The following TENM4 variants were observed in gnomAD, a reference collection of about 807,000 sequenced individuals.
TENM4 encodes teneurin transmembrane protein 4.
TENM4 carries 82 observed loss-of-function variants against 243.3 expected under a neutral mutation model. The observed-to-expected ratio is 0.34, with a 90% CI of 0.28 to 0.40. The LOEUF (loss-of-function observed/expected upper bound fraction) is 0.40. Among genes scored for constraint, TENM4 ranks in the 10% least tolerant of loss-of-function variants. TENM4 has a pLI of 1.00. For synonymous variants in TENM4, 1,412 were observed against 1,456.3 expected, an observed-to-expected ratio of 0.97 and a Z score of 0.69; for missense variants, 3,138 against 3,673.3, an observed-to-expected ratio of 0.85 and a Z score of 3.77.
chr11:79,235,095 T>C (rs534731784), intron 2 of TENM4, among the ~76,000 whole-genome samples: 185 of 151,840 alleles, frequency 1.2e-3, no homozygotes, highest in Non-Finnish European at 2.3e-3. Flanking sequence ...GGGTGGATCA[T>C]GAGGTCAGGA....
chr11:78,837,295 A>T (rs547751842), intron 12 of TENM4, among the ~76,000 whole-genome samples: 1 of 152,198 alleles, frequency 6.6e-6, no homozygotes, highest in African/African-American at 2.4e-5. Context: ...CTTGATTCTC[A>T]TTCTCTCTTG....
rs565477687 is a variant in TENM4, at chr11:78,903,054, T to C, written c.749+214A>G. On this transcript the variant is annotated intron_variant, in intron 7 of 33. Transcript: ENST00000278550. ...AGCAACTTGGCCAAGGTCACACCTTTGGTAATCAGCAGGCTAGCACTGGAC... is the reference window on the plus strand; with the variant it reads ...AGCAACTTGGCCAAGGTCACACCTTCGGTAATCAGCAGGCTAGCACTGGAC... 2.6e-5 allele frequency among the ~76,000 whole-genome samples: 4 copies of C among 152,194 alleles called. No homozygotes were observed. In the East Asian group the frequency reaches 7.7e-4, roughly 29 times the overall value.
chr11:79,207,390 A>G (rs1420979842), intron 3 of TENM4, among the ~76,000 whole-genome samples: 3 of 152,148 alleles, frequency 2.0e-5, no homozygotes, highest in Non-Finnish European at 4.4e-5. Flanking sequence ...ATCTTATTTG[A>G]CCCTAACAAC....
At chr11:78,858,628 A>C (rs1858737484) in intron 10 of TENM4, among the ~76,000 whole-genome samples, 1 of 152,214 alleles carries the variant, frequency 6.6e-6, no homozygotes. Context: ...AGATGCTATA[A>C]GACTTTTTGT....
rs140628797 is a variant in TENM4, at chr11:78,943,662, A to C, written c.494-40139T>G. On this transcript the variant is annotated intron_variant, in intron 6 of 33. Coordinates refer to ENST00000278550, the MANE Select transcript of TENM4 (RefSeq NM_001098816.3). The stretch of plus-strand genomic sequence containing the variant: ...AGTAGGGAAATGTACCTAGATCTTT[A>C]GTGATACTGTAGACAACCTGTTTGA... Among the ~76,000 whole-genome samples, 637 of 152,314 alleles carry C rather than the reference A, an allele frequency of 4.2e-3. 7 individuals carry two copies. Among genetic ancestry groups the C allele is most frequent in the African/African-American group, 0.015 (617 of 41,576 alleles).
Position 79,282,332 on chromosome 11 carries a change from T to C in TENM4, c.-265+15156A>G, listed in dbSNP as rs184552068. On this transcript the variant is annotated intron_variant, in intron 2 of 33. Transcript: ENST00000278550. Reference sequence around the variant, plus strand: ...AGACCCAGATGGATTTCTTTCTGTGTGACCCGATACTCCAGGGCCTGGCAC... The same window carrying C: ...AGACCCAGATGGATTTCTTTCTGTGCGACCCGATACTCCAGGGCCTGGCAC... Among the ~76,000 whole-genome samples, 7 of 152,308 alleles carry C rather than the reference T, an allele frequency of 4.6e-5. No individual in the cohort carries two copies. In the East Asian group the frequency reaches 1.4e-3, roughly 29 times the overall value.
At position 79,353,241 on chromosome 11, in the gene TENM4, A is replaced by G. The variant is rs115644916; in HGVS notation, c.-320-55698T>C. Among the ~76,000 whole-genome samples the G allele has an allele frequency of 3.0e-3, 451 of 152,178 alleles. 3 individuals are homozygous for G. The highest frequency in any genetic ancestry group is 0.01 in the African/African-American group (420 of 41,522). ...ACCAGATCGTCATTGACATTCCATG[A>G]CCTTATGTCTTAGTTGAATTGAGAT... is the stretch of plus-strand genomic sequence containing the variant. On this transcript the variant is annotated intron_variant, in intron 1 of 33. Transcript: ENST00000278550.
rs144754395 is a variant in TENM4 at position 78,810,079 on chromosome 11, T to C, written c.1978+2043A>G. On this transcript the variant is annotated intron_variant, in intron 14 of 33. Coordinates refer to ENST00000278550, the MANE Select transcript of TENM4 (RefSeq NM_001098816.3). ...GAAGGGGGAGAAAAAAAAGTGAGCT[T>C]GTTAGCTGATGTTTTATAAACACAG... Among the ~76,000 whole-genome samples, 59 of 152,286 alleles carry C rather than the reference T, an allele frequency of 3.9e-4. 1 individual carries two copies. In the East Asian group the frequency reaches 0.01, roughly 27 times the overall value.
chr11:79,163,973 A>AG (rs1862825095), intron 3 of TENM4, among the ~76,000 whole-genome samples: 1 of 133,618 alleles, frequency 7.5e-6, no homozygotes, highest in Non-Finnish European at 1.5e-5. Context: ...ATATCTATAT[A>AG]TAGTGTATAT....
At chr11:79,030,232 C>A (rs1033971313) in intron 6 of TENM4, among the ~76,000 whole-genome samples, 3 of 152,114 alleles carry the variant, frequency 2.0e-5, no homozygotes, top group African/African-American at 7.2e-5. Context: ...ATTCCTCACA[C>A]TGATGGGAGG....
At chr11:79,018,966 C>G (rs548248542) in intron 6 of TENM4, among the ~76,000 whole-genome samples, 1 of 152,136 alleles carries the variant, frequency 6.6e-6, no homozygotes, top group Non-Finnish European at 1.5e-5. Context: ...GCCTTGGCTC[C>G]CAGCCCCTCC....
At chr11:79,385,226 A>G (rs1053468263) in intron 1 of TENM4, among the ~76,000 whole-genome samples, 1 of 152,222 alleles carries the variant, frequency 6.6e-6, no homozygotes, top group African/African-American at 2.4e-5. Flanking sequence ...AGACCAATCA[A>G]ATCAGAACCT....
chr11:78,789,942 T>C (rs1293370361), intron 15 of TENM4, among the ~76,000 whole-genome samples: 1 of 152,226 alleles, frequency 6.6e-6, no homozygotes, highest in Non-Finnish European at 1.5e-5. Flanking sequence ...GTAAGCTTCC[T>C]TTTCTTCCTC....
chr11:79,074,619 G>A (rs972480018), intron 4 of TENM4, among the ~76,000 whole-genome samples: 1 of 152,214 alleles, frequency 6.6e-6, no homozygotes, highest in African/African-American at 2.4e-5. Context: ...TTTCAGTCAT[G>A]CAGAACTGCC....
chr11:78,880,458 A>AAAAAAAAAAAAAAAAAC, intron 9 of TENM4, among the ~76,000 whole-genome samples: 1 of 6,916 alleles, frequency 1.4e-4, no homozygotes, highest in Non-Finnish European at 1.0e-3. Flanking sequence ...AATAAATACT[A>AAAAAAAAAAAAAAAAAC]AAAAAAAAAA....
At chr11:78,778,478 A>C in intron 17 of TENM4, 124 bp downstream of exon 17, 1 of 1,097,126 alleles carries the variant, frequency 9.1e-7, no homozygotes, top group Non-Finnish European at 1.3e-6. Context: ...CTGGGGATGC[A>C]TTAGCTTCCA....
chr11:79,386,294 T>C (rs1042351672), intron 1 of TENM4, among the ~76,000 whole-genome samples: 1 of 152,180 alleles, frequency 6.6e-6, no homozygotes, highest in African/African-American at 2.4e-5. Flanking sequence ...TAAATCTAAA[T>C]GGTAAAACAA....
At chr11:79,088,586 G>C (rs1044489331) in intron 4 of TENM4, among the ~76,000 whole-genome samples, 1 of 152,138 alleles carries the variant, frequency 6.6e-6, no homozygotes, top group East Asian at 1.9e-4. Context: ...TTGTTGGGGG[G>C]ACTGAGTGAG....
intron 8 of TENM4, among the ~76,000 whole-genome samples, 171 bp downstream of exon 8, chr11:78,891,067 A>C (rs1192961128): frequency 6.6e-6 from 1 of 152,116 alleles, no homozygotes; most frequent in Admixed American, 6.5e-5. Context: ...ATGCTGGGGG[A>C]TAGGGTATTT....
Sources: gnomAD v4.1 joint callset for allele counts (sites outside exome capture counted in the v4.1 genomes callset) on GRCh38, gnomAD v4.1.1 for gene constraint, MANE v1.5 for transcripts, NCBI Gene and HGNC (gene_info 2026-07-23, HGNC 2026-07-21) for gene names.